Variants in GARNL3 observed in about 807,000 individuals in gnomAD.
The protein encoded by GARNL3 is GTPase-activating Rap/Ran-GAP domain-like protein 3.
Under a neutral mutation model 125.0 loss-of-function variants are expected in GARNL3, and 63 were observed. That is an observed-to-expected ratio of 0.50 (90% CI 0.41 to 0.62). The LOEUF (loss-of-function observed/expected upper bound fraction) is 0.62. GARNL3 is among the 20% of genes least tolerant of loss of function. GARNL3 has a pLI of 0.00. For synonymous variants in GARNL3, 439 were observed against 457.5 expected (o/e 0.96, Z 0.52); for missense variants, 994 against 1,244.0 (o/e 0.80, Z 3.02).
chr9:127,352,261 T>A (rs1255894154), intron 17 of GARNL3, among the ~76,000 whole-genome samples: 1 of 152,198 alleles, frequency 6.6e-6, no homozygotes, highest in Non-Finnish European at 1.5e-5. Flanking sequence ...GGCCTCAGGC[T>A]CCTCCTTTGT....
intron 1 of GARNL3, chr9:127,225,374 G>A: frequency 3.0e-6 from 3 of 984,932 alleles, no homozygotes; most frequent in Non-Finnish European, 3.6e-6. Flanking sequence ...CGGCGCTGCG[G>A]CGCAGGGGGT....
chr9:127,279,122 G>C (rs530910531), intron 1 of GARNL3, among the ~76,000 whole-genome samples: 2 of 152,174 alleles, frequency 1.3e-5, no homozygotes, highest in Non-Finnish European at 2.9e-5. Context: ...TTAGTGTTCT[G>C]AAGAGAAATC....
chr9:127,294,406 C>A (rs2064521538), intron 2 of GARNL3, among the ~76,000 whole-genome samples: 1 of 152,088 alleles, frequency 6.6e-6, no homozygotes, highest in East Asian at 1.9e-4. Flanking sequence ...TGGGTTCAAG[C>A]AATTCTTCTG....
At chr9:127,231,050 A>ATAT (rs1161629810) in intron 1 of GARNL3, among the ~76,000 whole-genome samples, 8 of 89,582 alleles carry the variant, frequency 8.9e-5, no homozygotes, top group African/African-American at 4.8e-4. Context: ...ATATATATAT[A>ATAT]TTTTTTTTTT....
At chr9:127,260,230 A>T (rs1180333719), upstream of GARNL3, among the ~76,000 whole-genome samples, 2 of 152,202 alleles carry the variant, frequency 1.3e-5, no homozygotes, top group Non-Finnish European at 1.5e-5. Flanking sequence ...GTCCTTCCTT[A>T]TAAAGAGTGC....
chr9:127,279,099 T>TA (rs1437164600), intron 1 of GARNL3, among the ~76,000 whole-genome samples: 1 of 152,170 alleles, frequency 6.6e-6, no homozygotes, highest in Non-Finnish European at 1.5e-5. Flanking sequence ...CCAGTACAGT[T>TA]ACCTTTTGCC....
At chr9:127,389,158 A>G (rs1165190604) in intron 26 of GARNL3, 39 bp downstream of exon 26, 2 of 1,419,766 alleles carry the variant, frequency 1.4e-6, no homozygotes, top group Non-Finnish European at 2.0e-6. Context: ...GTCTGTGAAC[A>G]GACCAGCTGG....
At position 127,292,540 on chromosome 9, in the gene GARNL3, A is replaced by G. The variant is rs150561685; in HGVS notation, c.219+1298A>G. Among the ~76,000 whole-genome samples, 414 of 152,330 alleles carry G rather than the reference A, an allele frequency of 2.7e-3. 4 individuals are homozygous for G. The highest frequency in any genetic ancestry group is 4.2e-3 in the Non-Finnish European group (286 of 68,038). ...CCATGGAGGCTGTATACCTTGAGAC[A>G]TCTTTCTGCTACCAAAATTTTGCAG... On this transcript the variant is annotated intron_variant, in intron 2 of 27. Transcript: ENST00000373387.
At position 127,389,001 on chromosome 9, in the gene GARNL3, C is replaced by T; in HGVS notation, c.2625C>T (p.Val875=). ...RPLKSPLVSK[V]ITPPTPISVG... ...TGAAGTCACCCTTAGTCTCCAAGGT[C>T]ATCACCCCACCCACTCCCATCAGTG... The change falls in exon 26 of 28, where the codon GTC becomes GTT. Residue 875 remains valine, a synonymous_variant. Transcript: ENST00000373387. 2 of 1,613,714 alleles carry T rather than the reference C, an allele frequency of 1.2e-6. No homozygotes were observed. Among genetic ancestry groups the T allele is most frequent in the South Asian group, 1.1e-5 (1 of 91,078 alleles).
In GARNL3 at chr9:127,225,354, C is replaced by T. The variant is rs966954318; in HGVS notation, c.-29+1016C>T. Reference sequence around the variant, plus strand: ...CGGGGTGGCCGCTGCGCTCCTGCGGCAGAAGAGGGCGGCGCTGCGGCGCAG... The same window carrying T: ...CGGGGTGGCCGCTGCGCTCCTGCGGTAGAAGAGGGCGGCGCTGCGGCGCAG... On this transcript the variant is annotated intron_variant, in intron 1 of 10. Transcript: ENST00000439286. 4.1e-6 allele frequency: 4 copies of T among 984,340 alleles called. No individual in the cohort carries two copies. In the African/African-American group the frequency reaches 5.3e-5, roughly 13 times the overall value. 61.0% of individuals were successfully genotyped at this position (984,340 alleles called of 1,614,324 possible).
At chr9:127,354,137 T>G (rs923806519) in intron 18 of GARNL3, among the ~76,000 whole-genome samples, 157 bp from the exon 19 acceptor site, 8 of 152,152 alleles carry the variant, frequency 5.3e-5, no homozygotes, top group Non-Finnish European at 1.2e-4. Flanking sequence ...AAGGGGTGCA[T>G]ACGTAATTGC....
In GARNL3 at chr9:127,249,676, G is replaced by A. The variant is rs185401831; in HGVS notation, c.143+6427G>A. Among the ~76,000 whole-genome samples, 33 of 152,178 alleles carry A rather than the reference G, an allele frequency of 2.2e-4. 1 individual carries two copies. The highest frequency in any genetic ancestry group is 1.3e-3 in the Admixed American group (20 of 15,292). ...TTGAAAACCATTTAGCTAGGGGCTT[G>A]GTTAAGTAAAATATGGTATGTCTAC... On this transcript the variant is annotated intron_variant, in intron 2 of 10. Transcript: ENST00000439286.
At chr9:127,269,791 T>G (rs1167865043) in intron 1 of GARNL3, among the ~76,000 whole-genome samples, 1 of 150,540 alleles carries the variant, frequency 6.6e-6, no homozygotes, top group African/African-American at 2.4e-5. Context: ...TTTGTGTTTT[T>G]TTTTTTTTTT....
At chr9:127,306,466 G>A (rs904621158) in intron 2 of GARNL3, among the ~76,000 whole-genome samples, 34 of 152,174 alleles carry the variant, frequency 2.2e-4, no homozygotes, top group African/African-American at 8.2e-4. Context: ...GGTGGCTCAC[G>A]CCTGTAATCC....
chr9:127,330,122 C>G (rs1211830059), intron 7 of GARNL3, among the ~76,000 whole-genome samples: 1 of 152,192 alleles, frequency 6.6e-6, no homozygotes, highest in Non-Finnish European at 1.5e-5. Flanking sequence ...GGGGTGGAAC[C>G]CAGCAATCTT....
intron 22 of GARNL3, among the ~76,000 whole-genome samples, chr9:127,370,529 C>T (rs1831550831): frequency 6.6e-6 from 1 of 152,204 alleles, no homozygotes. Flanking sequence ...ACCCAGCTGG[C>T]ACAGTGCTTG....
intron 22 of GARNL3, among the ~76,000 whole-genome samples, chr9:127,374,061 G>A (rs1240123841): frequency 6.6e-6 from 1 of 151,860 alleles, no homozygotes; most frequent in African/African-American, 2.4e-5. Flanking sequence ...AGGCACTTTA[G>A]GAGGCCGAGG....
chr9:127,254,434 A>G (rs1049683949), intron 2 of GARNL3, among the ~76,000 whole-genome samples: 5 of 152,238 alleles, frequency 3.3e-5, no homozygotes, highest in African/African-American at 1.2e-4. Flanking sequence ...TATCTGGAAG[A>G]AGACATCTGT....
chr9:127,236,599 C>T (rs2063117214), intron 1 of GARNL3, among the ~76,000 whole-genome samples: 1 of 152,194 alleles, frequency 6.6e-6, no homozygotes, highest in Non-Finnish European at 1.5e-5. Flanking sequence ...GTAACTAGGA[C>T]TAAACTTTTT....
Sources: gnomAD v4.1 joint callset for allele counts (sites outside exome capture counted in the v4.1 genomes callset) on GRCh38, gnomAD v4.1.1 for gene constraint, MANE v1.5 for transcripts, NCBI Gene and HGNC (gene_info 2026-07-23, HGNC 2026-07-21) for gene names.